DDX50: variants seen among roughly 807,000 people sequenced by gnomAD.
The protein encoded by DDX50 is ATP-dependent RNA helicase DDX50.
Under a neutral mutation model 94.8 loss-of-function variants are expected in DDX50, and 56 were observed. The ratio of observed to expected loss-of-function variants is 0.59; its 90% CI spans 0.48 to 0.74. DDX50 has a LOEUF of 0.74. Ranked by LOEUF, DDX50 falls within the 30% of genes least tolerant of loss-of-function variation. The pLI, the probability that DDX50 is intolerant of heterozygous loss-of-function variation, is 0.00. For synonymous variants in DDX50, 264 were observed against 295.4 expected, an observed-to-expected ratio of 0.89 and a Z score of 1.09; for missense variants, 713 against 881.2, an observed-to-expected ratio of 0.81 and a Z score of 2.42.
chr10:68,934,489 T>C lies in DDX50; in HGVS notation c.1401+129T>C, dbSNP rs1165024463. Reference sequence around the variant, plus strand: ...TGCTCTTAGCCATTTTTTGTTAGTGTGCTATTAAATTTATCAGATTCTGAT... The same window carrying C: ...TGCTCTTAGCCATTTTTTGTTAGTGCGCTATTAAATTTATCAGATTCTGAT... On this transcript the variant is annotated intron_variant, in intron 9 of 14. Coordinates refer to ENST00000373585, the MANE Select transcript of DDX50 (RefSeq NM_024045.2). This position sits in a 1 kb window ranked among gnomAD's most constrained non-coding sequence, Gnocchi z 4.0. 2 of 1,276,080 alleles carry C rather than the reference T, an allele frequency of 1.6e-6. No homozygotes were observed. The highest frequency in any genetic ancestry group is 3.0e-5 in the African/African-American group (2 of 66,148). 79.0% of individuals were successfully genotyped at this position (1,276,080 alleles called of 1,614,324 possible). A position where few individuals can be genotyped will look rare whatever the true frequency, so the allele number is the denominator to read the frequency against.
At chr10:68,941,241 A>G in intron 13 of DDX50, 47 bp downstream of exon 13, 1 of 1,595,286 alleles carries the variant, frequency 6.3e-7, no homozygotes, top group Non-Finnish European at 8.5e-7. Context: ...AACTACCCCA[A>G]ATGTTTACAA....
intron 8 of DDX50, among the ~76,000 whole-genome samples, chr10:68,927,404 G>T (rs1012417124): frequency 2.6e-5 from 4 of 151,572 alleles, no homozygotes; most frequent in African/African-American, 9.7e-5. Flanking sequence ...TTATATTCTT[G>T]TCTATACTTT....
At chr10:68,913,913 T>C (rs1589253124) in intron 6 of DDX50, 146 bp from the exon 7 acceptor site, 2 of 808,408 alleles carry the variant, frequency 2.5e-6, no homozygotes, top group East Asian at 6.2e-5. Context: ...TTGAAAGTTT[T>C]AATAATTGCA....
chr10:68,945,955 TATTTA>T (rs138210209), intron 14 of DDX50, among the ~76,000 whole-genome samples: 17,824 of 151,858 alleles, frequency 0.12, 1,314 homozygotes, highest in Admixed American at 0.18. Flanking sequence ...TTAGTATATT[TATTTA>T]ATTAGTAATA....
chr10:68,905,133 C>T (rs1034033552), intron 1 of DDX50, among the ~76,000 whole-genome samples: 1 of 152,124 alleles, frequency 6.6e-6, no homozygotes, highest in African/African-American at 2.4e-5. Context: ...CCAGGCTGGT[C>T]TTGAACTCCT....
At chr10:68,943,031 C>CT (rs1481838010) in intron 13 of DDX50, among the ~76,000 whole-genome samples, 182 bp from the exon 14 acceptor site, 1 of 152,142 alleles carries the variant, frequency 6.6e-6, no homozygotes, top group African/African-American at 2.4e-5. Context: ...TACACAAACT[C>CT]TTCTAGAGAA....
intron 8 of DDX50, among the ~76,000 whole-genome samples, chr10:68,929,275 TCCTTCCTTCCTTCCTTCCTC>T (rs1172237359): frequency 5.0e-5 from 4 of 80,214 alleles, no homozygotes; most frequent in Admixed American, 1.2e-4. Context: ...CTTCCTTCCT[TCCTTCCTTCCTTCCTTCCTC>T]TCTCTCTCTC....
chr10:68,942,043 C>T (rs1486648751), intron 13 of DDX50, among the ~76,000 whole-genome samples: 1 of 152,090 alleles, frequency 6.6e-6, no homozygotes, highest in African/African-American at 2.4e-5. Flanking sequence ...CTGCCTCAGC[C>T]TCCCAAAGTG....
intron 8 of DDX50, among the ~76,000 whole-genome samples, chr10:68,932,504 C>CTGG (rs1289682678): frequency 5.3e-5 from 8 of 152,168 alleles, no homozygotes; most frequent in African/African-American, 1.9e-4. Flanking sequence ...AAGTGATCCA[C>CTGG]CCACGTCAGC....
intron 8 of DDX50, among the ~76,000 whole-genome samples, chr10:68,931,306 G>A (rs995791422): frequency 2.7e-5 from 4 of 149,432 alleles, no homozygotes; most frequent in Non-Finnish European, 4.4e-5. Flanking sequence ...TTAGGCCACC[G>A]ATAACCTCTT....
chr10:68,925,166 C>T (rs964681332), intron 8 of DDX50, among the ~76,000 whole-genome samples: 2 of 132,068 alleles, frequency 1.5e-5, no homozygotes, highest in East Asian at 2.3e-4. Flanking sequence ...TGCAATGGTG[C>T]GATCTTGGCT....
chr10:68,933,725 G>C (rs1748836831), intron 8 of DDX50, among the ~76,000 whole-genome samples: 1 of 151,798 alleles, frequency 6.6e-6, no homozygotes, highest in African/African-American at 2.4e-5. Context: ...CCTGAGGTCA[G>C]CGAGTTCAAG....
At chr10:68,920,008 A>G (rs1289223096) in intron 8 of DDX50, 27 bp downstream of exon 8, 1 of 1,612,100 alleles carries the variant, frequency 6.2e-7, no homozygotes, top group African/African-American at 1.3e-5. Flanking sequence ...TGCTTTCTCT[A>G]ATTGAAATTA....
intron 6 of DDX50, 50 bp from the exon 7 acceptor site, chr10:68,914,009 T>C (rs751321279): frequency 1.7e-5 from 25 of 1,501,742 alleles, no homozygotes; most frequent in Non-Finnish European, 2.1e-5. Context: ...AAGAGCGGGC[T>C]ACATCGTGGG....
chr10:68,913,699 G>A (rs886738107), intron 6 of DDX50, 123 bp downstream of exon 6: 6 of 934,502 alleles, frequency 6.4e-6, no homozygotes, highest in East Asian at 2.7e-5. Context: ...AAATAATTTG[G>A]TATCTGTTCT....
At chr10:68,941,531 C>G (rs1382249691) in intron 13 of DDX50, among the ~76,000 whole-genome samples, 1 of 152,112 alleles carries the variant, frequency 6.6e-6, no homozygotes, top group African/African-American at 2.4e-5. Flanking sequence ...ACTATTTGCC[C>G]AGGCTGGTCT....
At chr10:68,910,241 A>G (rs1029991607) in intron 2 of DDX50, 66 bp from the exon 3 acceptor site, 2 of 1,376,084 alleles carry the variant, frequency 1.5e-6, no homozygotes, top group Non-Finnish European at 2.0e-6. Flanking sequence ...TCTGTAAAAA[A>G]TTAAAAACAG....
intron 1 of DDX50, 97 bp downstream of exon 1, chr10:68,901,568 C>T: frequency 2.3e-6 from 3 of 1,324,692 alleles, no homozygotes; most frequent in Non-Finnish European, 3.1e-6. Context: ...AGAACCGGGC[C>T]GGAGCATCCG....
chr10:68,916,533 CATTACCT>C (rs931445495), intron 7 of DDX50, among the ~76,000 whole-genome samples: 8 of 151,938 alleles, frequency 5.3e-5, no homozygotes, highest in African/African-American at 1.9e-4. Flanking sequence ...ATGATATACC[CATTACCT>C]ATTACCAGTC....
Sources: gnomAD v4.1 joint callset for allele counts (sites outside exome capture counted in the v4.1 genomes callset) on GRCh38, gnomAD v4.1.1 for gene constraint, Gnocchi (gnomAD v3.1) non-coding constraint, MANE v1.5 for transcripts, NCBI Gene and HGNC (gene_info 2026-07-23, HGNC 2026-07-21) for gene names.